Variants in DCAF1 observed in about 807,000 individuals in gnomAD.
DCAF1 encodes DDB1 and CUL4 associated factor 1, also known as DDB1- and CUL4-associated factor 1.
DCAF1 carries 15 observed loss-of-function variants against 128.0 expected under a neutral mutation model. The ratio of observed to expected loss-of-function variants is 0.12; its 90% CI spans 0.08 to 0.18. The LOEUF (loss-of-function observed/expected upper bound fraction) is 0.18, where lower values mean the gene tolerates loss of function less well. Among genes scored for constraint, DCAF1 ranks in the 10% least tolerant of loss-of-function variants. The pLI is 1.00. For missense variants in DCAF1, 988 were observed against 1,649.5 expected, an observed-to-expected ratio of 0.60 and a Z score of 6.95; for synonymous variants, 610 against 603.0, an observed-to-expected ratio of 1.01 and a Z score of -0.17.
intron 3 of DCAF1, among the ~76,000 whole-genome samples, chr3:51,476,800 G>A (rs1445109715): frequency 6.6e-6 from 1 of 151,994 alleles, no homozygotes; most frequent in Non-Finnish European, 1.5e-5. Flanking sequence ...GCGTGAACCC[G>A]GGAGGCGGAG....
At chr3:51,460,841 G>A (rs1488803194) in intron 6 of DCAF1, among the ~76,000 whole-genome samples, 3 of 150,220 alleles carry the variant, frequency 2.0e-5, no homozygotes, top group African/African-American at 4.8e-5. Flanking sequence ...ATGGTGCTGG[G>A]AAAACTGGCT....
At chr3:51,504,114 C>T (rs570091305), upstream of DCAF1, among the ~76,000 whole-genome samples, 3 of 150,882 alleles carry the variant, frequency 2.0e-5, no homozygotes, top group African/African-American at 7.3e-5. Flanking sequence ...CTCAGCTCAC[C>T]GCAAGCTCCG....
intron 6 of DCAF1, among the ~76,000 whole-genome samples, chr3:51,456,280 G>A (rs1702897590): frequency 6.6e-6 from 1 of 152,218 alleles, no homozygotes; most frequent in African/African-American, 2.4e-5. Context: ...GGCTCGGAGG[G>A]TCCTACGCCC....
At chr3:51,398,945 A>T in intron 24 of DCAF1, 118 bp from the exon 25 acceptor site, 1 of 1,297,440 alleles carries the variant, frequency 7.7e-7, no homozygotes, top group Non-Finnish European at 1.1e-6. Flanking sequence ...ACCAGTTTCC[A>T]GAAAGAAGAA....
At chr3:51,480,389 G>C (rs1484985375) in intron 3 of DCAF1, among the ~76,000 whole-genome samples, 1 of 152,022 alleles carries the variant, frequency 6.6e-6, no homozygotes, top group Non-Finnish European at 1.5e-5. Context: ...GAGGTCAGGA[G>C]TTCGAGACCA....
chr3:51,437,234 C>T, intron 9 of DCAF1: 1 of 373,082 alleles, frequency 2.7e-6, no homozygotes, highest in Non-Finnish European at 5.0e-6. Context: ...CTGCACTGCA[C>T]TCCAGCCCAG....
In DCAF1 at chr3:51,442,436, G is replaced by A. The variant is rs782510394; in HGVS notation, c.514-539C>T. On this transcript the variant is annotated intron_variant, in intron 7 of 24. Transcript: ENST00000684031. ...GGGATGGCCAGGTGCGGTAGCTCAC[G>A]CCTGTAATCCCAGTAATTTGGGAGG... Among the ~76,000 whole-genome samples, 86 of 152,090 alleles carry A rather than the reference G, an allele frequency of 5.7e-4. 1 individual carries two copies. The highest frequency in any genetic ancestry group is 3.8e-4 in the Non-Finnish European group (26 of 68,026).
chr3:51,458,740 A>G (rs1703204528), intron 6 of DCAF1, among the ~76,000 whole-genome samples: 1 of 152,236 alleles, frequency 6.6e-6, no homozygotes, highest in Non-Finnish European at 1.5e-5. Flanking sequence ...CAATCAAACT[A>G]GAACTCAGGA....
chr3:51,422,925 G>A (rs1311415393), intron 13 of DCAF1, among the ~76,000 whole-genome samples: 7 of 151,872 alleles, frequency 4.6e-5, no homozygotes, highest in African/African-American at 1.5e-4. Flanking sequence ...GATATTAGCC[G>A]GGTGTGGTAG....
intron 5 of DCAF1, among the ~76,000 whole-genome samples, chr3:51,466,140 T>C (rs1553646378): frequency 6.6e-6 from 1 of 152,166 alleles, no homozygotes; most frequent in East Asian, 1.9e-4. Context: ...AAGCAGAGGT[T>C]GCAGTAAGCC....
intron 4 of DCAF1, among the ~76,000 whole-genome samples, chr3:51,469,714 T>C (rs1181152579): frequency 3.9e-5 from 6 of 152,126 alleles, no homozygotes; most frequent in Non-Finnish European, 7.4e-5. Context: ...GCAGGTGCTA[T>C]CATGGCTTTA....
rs941040815 is a variant in DCAF1, at chr3:51,421,024, T to C, written c.1973-27A>G. ...TAATGGGAAAAAAAATTATGTATTA[T>C]TCACCATAAAACTAATGGCCAACTT... is the stretch of plus-strand genomic sequence containing the variant. On this transcript the variant is annotated intron_variant, in intron 14 of 24. Coordinates refer to ENST00000684031, the MANE Select transcript of DCAF1 (RefSeq NM_001387579.1). 4 of 1,582,790 alleles carry C rather than the reference T, an allele frequency of 2.5e-6. No homozygotes were observed. The African/African-American group carries it at 5.4e-5, about 21-fold the overall frequency.
chr3:51,402,615 C>A (rs545274839), intron 24 of DCAF1, among the ~76,000 whole-genome samples: 57 of 108,544 alleles, frequency 5.3e-4, no homozygotes, highest in Middle Eastern at 0.013. Context: ...ACTCTATTAT[C>A]CCAGCCTGGA....
intron 6 of DCAF1, among the ~76,000 whole-genome samples, chr3:51,458,763 C>T (rs1167819858): frequency 6.6e-6 from 1 of 152,206 alleles, no homozygotes; most frequent in Non-Finnish European, 1.5e-5. Context: ...AAGAAACTCA[C>T]TCAAAACTGC....
chr3:51,476,487 G>T (rs1705457497), intron 3 of DCAF1, among the ~76,000 whole-genome samples: 1 of 139,836 alleles, frequency 7.2e-6, no homozygotes, highest in Non-Finnish European at 1.5e-5. Flanking sequence ...TGGTACTCAA[G>T]TTCTACTATA....
At position 51,482,884 on chromosome 3, in the gene DCAF1, C is replaced by A. The variant is rs1240267387; in HGVS notation, c.110+835G>T. ...GGGCATGGTGGCTCACACCTGTAAT[C>A]CCAGCACTTTGGGAGGCCAAGGCAG... On this transcript the variant is annotated intron_variant, in intron 3 of 24. Transcript: ENST00000684031. Among the ~76,000 whole-genome samples the A allele has an allele frequency of 3.3e-5, 5 of 151,198 alleles. No individual in the cohort carries two copies. In the Admixed American group the frequency reaches 3.3e-4, roughly 10 times the overall value.
At position 51,416,862 on chromosome 3, in the gene DCAF1, G is replaced by A. The variant is rs782022886; in HGVS notation, c.3528C>T (p.Phe1176=). The A allele has an allele frequency of 1.2e-6, 2 of 1,608,346 alleles. No homozygotes were observed. The highest frequency in any genetic ancestry group is 1.3e-5 in the African/African-American group (1 of 74,976). ...MKSVFDMKHS[F]TEDHYVEFSK... is the part of the protein sequence containing the mutation. ...TGAACTCAACATAGTGATCTTCTGT[G>A]AAGGAATGCCTATGGACAAACAACA... Residue 1176 remains phenylalanine (F), a synonymous_variant, in exon 18 of 25, where the codon TTC becomes TTT. Transcript: ENST00000684031.
chr3:51,463,525 G>A (rs1400668890), intron 5 of DCAF1, among the ~76,000 whole-genome samples: 2 of 152,114 alleles, frequency 1.3e-5, no homozygotes, highest in African/African-American at 2.4e-5. Flanking sequence ...ATGCACACTT[G>A]TAATCCCAGC....
In DCAF1 at chr3:51,420,207, G is replaced by C; in HGVS notation, c.2763C>G (p.Ala921=). ...GAGCAGTAGGGGCAGAAGGCGCAGA[G>C]GCACCCACAGCAGCATGGCTGCCCA... ...TRLGSHAAVG[A]SAPSAPTAHP... is the part of the protein sequence containing the mutation. The change falls in exon 15 of 25, where the codon GCC becomes GCG. Residue 921 remains alanine (A), a synonymous_variant. Coordinates refer to ENST00000684031, the MANE Select transcript of DCAF1 (RefSeq NM_001387579.1). The surrounding 1 kb of genome is among the most constrained non-coding windows in gnomAD (Gnocchi z 6.5). 6.2e-7 allele frequency: 1 copy of C among 1,614,014 alleles called. No homozygotes were observed.
Sources: allele counts gnomAD v4.1 joint callset (sites outside exome capture counted in the v4.1 genomes callset), GRCh38; gene constraint gnomAD v4.1.1; non-coding constraint Gnocchi (gnomAD v3.1); transcripts MANE v1.5; gene names NCBI Gene and HGNC (gene_info 2026-07-23, HGNC 2026-07-21).